The following LRRN1 variants were observed in gnomAD, a reference collection of about 807,000 sequenced individuals.
LRRN1 encodes the protein leucine-rich repeat neuronal protein 1.
Under a neutral mutation model 45.8 loss-of-function variants are expected in LRRN1, and 14 were observed. The observed-to-expected ratio is 0.31, with a 90% CI of 0.20 to 0.48. The LOEUF (loss-of-function observed/expected upper bound fraction) is 0.48, where lower values mean the gene tolerates loss of function less well. Among genes scored for constraint, LRRN1 ranks in the 20% least tolerant of loss-of-function variants. LRRN1 has a pLI of 0.99. For synonymous variants in LRRN1, 359 were observed against 330.1 expected, an observed-to-expected ratio of 1.09 and a Z score of -0.95; for missense variants, 789 against 874.2, an observed-to-expected ratio of 0.90 and a Z score of 1.23.
At chr3:3,842,525 C>T (rs958928889) in intron 1 of LRRN1, among the ~76,000 whole-genome samples, 1 of 151,882 alleles carries the variant, frequency 6.6e-6, no homozygotes, top group Non-Finnish European at 1.5e-5. Flanking sequence ...TTAGTATTGG[C>T]CATTTGTATT....
intron 1 of LRRN1, among the ~76,000 whole-genome samples, chr3:3,835,595 T>C (rs1252452985): frequency 1.3e-5 from 2 of 151,920 alleles, no homozygotes; most frequent in African/African-American, 2.4e-5. Flanking sequence ...TTTTTTTTTT[T>C]TTTTTTTTGC....
intron 1 of LRRN1, among the ~76,000 whole-genome samples, chr3:3,841,797 C>T (rs1010210458): frequency 3.9e-5 from 6 of 152,154 alleles, no homozygotes; most frequent in South Asian, 2.1e-4. Flanking sequence ...GGATTACAGG[C>T]GTGAGCCACC....
chr3:3,807,174 A>G (rs1227717064), intron 1 of LRRN1, among the ~76,000 whole-genome samples: 2 of 152,090 alleles, frequency 1.3e-5, no homozygotes, highest in Non-Finnish European at 2.9e-5. Context: ...CACGCCCCCT[A>G]CCTAATGGCT....
chr3:3,846,103 A>G lies in LRRN1; in HGVS notation c.1462A>G (p.Asn488Asp). The G allele has an allele frequency of 1.2e-6, 2 of 1,614,102 alleles. No homozygotes were observed. The highest frequency in any genetic ancestry group is 1.7e-6 in the Non-Finnish European group (2 of 1,180,026). Residue 488 changes from asparagine to aspartate, a missense_variant, in exon 2 of 2, where the codon AAC becomes GAC. By Grantham distance (23) the Asn-to-Asp change is conservative. Coordinates refer to ENST00000319331, the MANE Select transcript of LRRN1 (RefSeq NM_020873.7). This position sits in a 1 kb window ranked among gnomAD's most constrained non-coding sequence, Gnocchi z 5.7. ...TAGCGAAGGTACCTTGGAAATATCT[A>G]ACATACAAATTGAAGACTCAGGAAG... is the stretch of plus-strand genomic sequence containing the variant. ...LSSEGTLEIS[N>D]IQIEDSGRYT...
At chr3:3,803,963 G>C (rs537368044) in intron 1 of LRRN1, among the ~76,000 whole-genome samples, 1 of 152,158 alleles carries the variant, frequency 6.6e-6, no homozygotes, top group African/African-American at 2.4e-5. Context: ...TATAATCCAT[G>C]ATAAAATGAT....
At chr3:3,810,610 G>A (rs145736707) in intron 1 of LRRN1, among the ~76,000 whole-genome samples, 254 of 152,320 alleles carry the variant, frequency 1.7e-3, no homozygotes, top group African/African-American at 5.7e-3. Flanking sequence ...GGGAGGCTGA[G>A]GTGGGAGGAT....
In LRRN1 at chr3:3,825,297, C is replaced by T. The variant is rs115490473; in HGVS notation, c.-278-19067C>T. Among the ~76,000 whole-genome samples, 85 of 152,256 alleles carry T rather than the reference C, an allele frequency of 5.6e-4. 1 individual carries two copies. Among genetic ancestry groups the T allele is most frequent in the Admixed American group, 1.0e-3 (16 of 15,290 alleles). ...GAATTGTGACCCCAGCTTTTATGCT[C>T]GACTTGGAGACCAGCTGCGCCTTTG... On this transcript the variant is annotated intron_variant, in intron 1 of 1. Coordinates refer to ENST00000319331, the MANE Select transcript of LRRN1 (RefSeq NM_020873.7).
chr3:3,841,443 TTACTC>T (rs1274198077), intron 1 of LRRN1, among the ~76,000 whole-genome samples: 1 of 152,238 alleles, frequency 6.6e-6, no homozygotes, highest in Non-Finnish European at 1.5e-5. Flanking sequence ...TGTTTCAAGA[TTACTC>T]TAAACAGAAA....
At chr3:3,800,184 C>T (rs1233677498) in intron 1 of LRRN1, among the ~76,000 whole-genome samples, 1 of 148,334 alleles carries the variant, frequency 6.7e-6, no homozygotes, top group Non-Finnish European at 1.5e-5. Flanking sequence ...GTTGGGAAGG[C>T]AGGCCAGATA....
chr3:3,838,907 A>C (rs1431358634), intron 1 of LRRN1, among the ~76,000 whole-genome samples: 1 of 152,064 alleles, frequency 6.6e-6, no homozygotes, highest in Non-Finnish European at 1.5e-5. Context: ...CTGGATATTA[A>C]CCCTTTATCA....
rs188955015 is a variant in LRRN1, at chr3:3,849,422, T to C, written c.*2630T>C. Among the ~76,000 whole-genome samples, 142 of 152,332 alleles carry C rather than the reference T, an allele frequency of 9.3e-4. 1 individual carries two copies. The highest frequency in any genetic ancestry group is 3.2e-3 in the African/African-American group (132 of 41,580). Reference sequence around the variant, plus strand: ...GATTTTCAGCTGATAGAAAACAAAATGATAGAGTACTTTTTTCCTTGGCCA... The same window carrying C: ...GATTTTCAGCTGATAGAAAACAAAACGATAGAGTACTTTTTTCCTTGGCCA... On this transcript the variant is annotated 3_prime_UTR_variant, in exon 2 of 2. Transcript: ENST00000319331.
At chr3:3,842,677 G>C (rs936730936) in intron 1 of LRRN1, among the ~76,000 whole-genome samples, 1 of 152,072 alleles carries the variant, frequency 6.6e-6, no homozygotes, top group Admixed American at 6.5e-5. Flanking sequence ...CCTTATAGTA[G>C]GAAAGTGAAG....
In LRRN1 at chr3:3,846,169, C is replaced by T; in HGVS notation, c.1528C>T (p.Arg510Trp). The change falls in exon 2 of 2, where the codon CGG becomes TGG. Residue 510 changes from arginine to tryptophan, a missense_variant. Arg to Trp is a moderately radical substitution (Grantham distance 101, BLOSUM62 -3). Transcript: ENST00000319331. This position sits in a 1 kb window ranked among gnomAD's most constrained non-coding sequence, Gnocchi z 5.7. ...VAQNVQGADTRVATIKVNGTL... is the reference protein window; with the variant it reads ...VAQNVQGADTWVATIKVNGTL... Reference sequence around the variant, plus strand: ...CCAGAATGTCCAAGGGGCAGACACTCGGGTGGCAACAATTAAGGTTAATGG... The same window carrying T: ...CCAGAATGTCCAAGGGGCAGACACTTGGGTGGCAACAATTAAGGTTAATGG... The T allele has an allele frequency of 6.8e-6, 11 of 1,614,098 alleles. No individual in the cohort carries two copies. Among genetic ancestry groups the T allele is most frequent in the African/African-American group, 1.3e-5 (1 of 75,044 alleles).
intron 1 of LRRN1, among the ~76,000 whole-genome samples, chr3:3,819,627 C>T (rs76482492): frequency 0.013 from 2,014 of 152,252 alleles, 22 homozygotes; most frequent in Non-Finnish European, 0.018. Context: ...TTAAAGGACA[C>T]CAGTCATATT....
intron 1 of LRRN1, among the ~76,000 whole-genome samples, chr3:3,812,441 G>C (rs1232791241): frequency 6.6e-6 from 1 of 152,210 alleles, no homozygotes; most frequent in Non-Finnish European, 1.5e-5. Flanking sequence ...CCAGAGGTGA[G>C]AAGGACTTTG....
At chr3:3,813,906 T>TC in intron 1 of LRRN1, among the ~76,000 whole-genome samples, 1 of 152,066 alleles carries the variant, frequency 6.6e-6, no homozygotes, top group Non-Finnish European at 1.5e-5. Flanking sequence ...CTCACCCCAC[T>TC]CCCAAAATGA....
At chr3:3,808,967 C>G (rs1692821715) in intron 1 of LRRN1, among the ~76,000 whole-genome samples, 1 of 152,038 alleles carries the variant, frequency 6.6e-6, no homozygotes, top group Non-Finnish European at 1.5e-5. Flanking sequence ...TTCTCCTAAC[C>G]CTTACCATCT....
chr3:3,836,493 G>A (rs191412410), intron 1 of LRRN1, among the ~76,000 whole-genome samples: 1 of 152,244 alleles, frequency 6.6e-6, no homozygotes, highest in Admixed American at 6.5e-5. Context: ...CCGTGTTGTA[G>A]CATATGACAG....
In LRRN1 at chr3:3,846,517, C is replaced by A; in HGVS notation, c.1876C>A (p.Gln626Lys). The A allele has an allele frequency of 6.2e-7, 1 of 1,614,178 alleles. No individual in the cohort carries two copies. The highest frequency in any genetic ancestry group is 1.1e-5 in the South Asian group (1 of 91,072). Residue 626 changes from glutamine (Q) to lysine (K), a missense_variant, in exon 2 of 2, where the codon CAA becomes AAA. Coordinates refer to ENST00000319331, the MANE Select transcript of LRRN1 (RefSeq NM_020873.7). This position sits in a 1 kb window ranked among gnomAD's most constrained non-coding sequence, Gnocchi z 5.7. Reference protein sequence around the residue: ...NAAFAVDISDQETSTALAAVM... With the variant: ...NAAFAVDISDKETSTALAAVM... ...CGCCTTCGCAGTGGACATCTCTGATCAAGAAACCAGTACAGCCCTTGCTGC... is the reference window on the plus strand; with the variant it reads ...CGCCTTCGCAGTGGACATCTCTGATAAAGAAACCAGTACAGCCCTTGCTGC...
Sources: allele counts gnomAD v4.1 joint callset (sites outside exome capture counted in the v4.1 genomes callset), GRCh38; gene constraint gnomAD v4.1.1; non-coding constraint Gnocchi (gnomAD v3.1); transcripts MANE v1.5; gene names NCBI Gene and HGNC (gene_info 2026-07-23, HGNC 2026-07-21).